TSTD2: variants seen among roughly 807,000 people sequenced by gnomAD.
The protein encoded by TSTD2 is thiosulfate sulfurtransferase/rhodanese-like domain-containing protein 2.
In TSTD2, 37 loss-of-function variants were observed where a neutral mutation model predicts 47.9. The observed-to-expected ratio is 0.77, with a 90% CI of 0.59 to 1.02. The LOEUF (loss-of-function observed/expected upper bound fraction) is 1.02, where lower values mean the gene tolerates loss of function less well. TSTD2 is among the 50% of genes least tolerant of loss of function. TSTD2 has a pLI of 0.00. For missense variants in TSTD2, 586 were observed against 616.0 expected (o/e 0.95, Z 0.52); for synonymous variants, 201 against 215.9 (o/e 0.93, Z 0.61).
At chr9:97,632,759 G>A (rs1395590016) in intron 1 of TSTD2, among the ~76,000 whole-genome samples, 1 of 152,176 alleles carries the variant, frequency 6.6e-6, no homozygotes, top group Non-Finnish European at 1.5e-5. Flanking sequence ...AGCAGGCAGG[G>A]TTTACAGATA....
At chr9:97,616,554 G>A (rs1403448577) in intron 4 of TSTD2, among the ~76,000 whole-genome samples, 2 of 152,166 alleles carry the variant, frequency 1.3e-5, no homozygotes, top group African/African-American at 4.8e-5. Context: ...AGAAGGGAAC[G>A]GAATTAAGGA....
chr9:97,625,832 TAGA>T lies in TSTD2; in HGVS notation c.328_330del (p.Ser110del). ...AATGTCACAGCCAGTTGCTTTAAAATAGAAGCTGTCTGGTGATAAATTTCATCA... is the reference window on the plus strand; with the variant it reads ...AATGTCACAGCCAGTTGCTTTAAAATAGCTGTCTGGTGATAAATTTCATCA... On this transcript the variant is annotated inframe_deletion, in exon 3 of 10. Coordinates refer to ENST00000341170, the MANE Select transcript of TSTD2 (RefSeq NM_139246.5). 1 of 1,614,174 alleles carries T rather than the reference TAGA, an allele frequency of 6.2e-7. No homozygotes were observed. The highest frequency in any genetic ancestry group is 8.5e-7 in the Non-Finnish European group (1 of 1,180,002).
intron 1 of TSTD2, among the ~76,000 whole-genome samples, chr9:97,630,920 C>A (rs776906427): frequency 1.3e-5 from 2 of 152,112 alleles, no homozygotes; most frequent in Non-Finnish European, 2.9e-5. Flanking sequence ...ATTCATATAC[C>A]CCACTGTGTG....
Position 97,600,423 on chromosome 9 carries a change from T to C in TSTD2, c.*2046A>G. 4.1e-6 allele frequency: 4 copies of C among 985,748 alleles called. No homozygotes were observed. Among genetic ancestry groups the C allele is most frequent in the Non-Finnish European group, 4.8e-6 (4 of 830,118 alleles). The allele number at this position is 985,748 out of a possible 1,614,324, so 61.1% of individuals were successfully genotyped here. ...AGTGTTCTTTAAGAACATTTGGGAT[T>C]TATGTACAATTTAATACTGGAGTTA... On this transcript the variant is annotated 3_prime_UTR_variant, in exon 10 of 10. Transcript: ENST00000341170.
At chr9:97,620,892 T>C (rs1826624359) in intron 3 of TSTD2, among the ~76,000 whole-genome samples, 1 of 152,204 alleles carries the variant, frequency 6.6e-6, no homozygotes, top group Non-Finnish European at 1.5e-5. Flanking sequence ...GACAATGCAA[T>C]AGAAAAGGAA....
At position 97,627,611 on chromosome 9, in the gene TSTD2, TC is replaced by T; in HGVS notation, c.-50del. On this transcript the variant is annotated splice_region_variant and 5_prime_UTR_variant, in exon 2 of 10. Transcript: ENST00000341170. The stretch of plus-strand genomic sequence containing the variant: ...CAGATATTCCTTTCAGTTAAATACC[TC>T]CTAGAATATAAATAAGAAAGAAGCA... The T allele has an allele frequency of 6.8e-7, 1 of 1,463,300 alleles. No homozygotes were observed. The highest frequency in any genetic ancestry group is 2.3e-5 in the Admixed American group (1 of 43,654). 90.6% of individuals were successfully genotyped at this position (1,463,300 alleles called of 1,614,324 possible). A position where few individuals can be genotyped will look rare whatever the true frequency, so the allele number is the denominator to read the frequency against.
chr9:97,612,840 G>A (rs897337217), intron 4 of TSTD2, among the ~76,000 whole-genome samples: 1 of 152,270 alleles, frequency 6.6e-6, no homozygotes, highest in Non-Finnish European at 1.5e-5. Context: ...ACAGGCACAA[G>A]CCACCGTGCC....
At chr9:97,615,979 A>C (rs7030070) in intron 4 of TSTD2, among the ~76,000 whole-genome samples, 1,677 of 152,328 alleles carry the variant, frequency 0.011, 21 homozygotes, top group African/African-American at 0.037. Flanking sequence ...TATTAAAATA[A>C]AAGTTACAAA....
rs1826273657 is a variant in TSTD2 at position 97,602,210 on chromosome 9, A to C, written c.*259T>G. On this transcript the variant is annotated 3_prime_UTR_variant, in exon 10 of 10. Coordinates refer to ENST00000341170, the MANE Select transcript of TSTD2 (RefSeq NM_139246.5). ...GCTGTGGCCACCAGGCTCAGGCTCT[A>C]TCCCTCAGCAGCTTTGGGATCCCAT... 4.3e-6 allele frequency: 2 copies of C among 465,040 alleles called. No individual in the cohort carries two copies. Among genetic ancestry groups the C allele is most frequent in the Non-Finnish European group, 7.6e-6 (2 of 264,576 alleles). The allele number at this position is 465,040 out of a possible 1,614,324, so 28.8% of individuals were successfully genotyped here. A position where few individuals can be genotyped will look rare whatever the true frequency, so the allele number is the denominator to read the frequency against.
chr9:97,613,861 CTG>C (rs1475459598), intron 4 of TSTD2, among the ~76,000 whole-genome samples: 2 of 145,626 alleles, frequency 1.4e-5, no homozygotes, highest in Admixed American at 6.9e-5. Context: ...CAGAGTCTCG[CTG>C]TGTCGCCCAG....
At chr9:97,631,275 C>T (rs988615854) in intron 1 of TSTD2, among the ~76,000 whole-genome samples, 13 of 151,964 alleles carry the variant, frequency 8.6e-5, no homozygotes, top group African/African-American at 3.1e-4. Flanking sequence ...CGCCACCACA[C>T]GCAGCTAATT....
rs1826279774 is a variant in TSTD2, at chr9:97,602,515, G to GGGCTCACA, written c.1497_1504dup (p.Pro502LeufsTer2). On this transcript the variant is annotated stop_gained and frameshift_variant, in exon 10 of 10. Coordinates refer to ENST00000341170, the MANE Select transcript of TSTD2 (RefSeq NM_139246.5). LOFTEE classifies it low-confidence loss of function (END_TRUNC). ...CTCATCAGCATCAGGCCCTGGCTCT[G>GGGCTCACA]GGCTCACAGGCTGTCGCACATGCTG... 1 of 1,613,890 alleles carries GGGCTCACA rather than the reference G, an allele frequency of 6.2e-7. No homozygotes were observed. The highest frequency in any genetic ancestry group is 1.7e-5 in the Admixed American group (1 of 60,008).
chr9:97,607,864 G>A (rs946105307), intron 6 of TSTD2, among the ~76,000 whole-genome samples: 1 of 151,964 alleles, frequency 6.6e-6, no homozygotes, highest in Non-Finnish European at 1.5e-5. Context: ...TCCAGCCTGG[G>A]CAACAGAGTG....
At chr9:97,617,711 G>A (rs1413690958) in intron 4 of TSTD2, 46 bp downstream of exon 4, 9 of 1,567,934 alleles carry the variant, frequency 5.7e-6, no homozygotes, top group South Asian at 1.2e-5. Context: ...AAGGTTGGCA[G>A]GCAAGATGGA....
In TSTD2 at chr9:97,601,068, G is replaced by A. The variant is rs983369293; in HGVS notation, c.*1401C>T. Reference sequence around the variant, plus strand: ...ACTGTAAGGCAGTGGGCAGTACAGGGTAACTGGAGGCGGGGCCAGGGCCTC... The same window carrying A: ...ACTGTAAGGCAGTGGGCAGTACAGGATAACTGGAGGCGGGGCCAGGGCCTC... On this transcript the variant is annotated 3_prime_UTR_variant, in exon 10 of 10. Transcript: ENST00000341170. The A allele has an allele frequency of 7.7e-7, 1 of 1,304,272 alleles. No homozygotes were observed. Among genetic ancestry groups the A allele is most frequent in the Non-Finnish European group, 1.0e-6 (1 of 988,948 alleles). 80.8% of individuals were successfully genotyped at this position (1,304,272 alleles called of 1,614,324 possible). A position where few individuals can be genotyped will look rare whatever the true frequency, so the allele number is the denominator to read the frequency against.
intron 4 of TSTD2, among the ~76,000 whole-genome samples, chr9:97,612,970 G>A (rs4743119): frequency 1.3e-5 from 2 of 152,266 alleles, no homozygotes; most frequent in African/African-American, 2.4e-5. Context: ...CATTTGCTAT[G>A]GAGCTACAAT....
In TSTD2 at chr9:97,601,346, GATGACCTCAGTAAGA is replaced by G; in HGVS notation, c.*1108_*1122del. ...CTGGGCAGCCACCATGGCAGTGCTG[GATGACCTCAGTAAGA>G]ATGTGTCATGTATTCCAGGTGCTGA... On this transcript the variant is annotated 3_prime_UTR_variant, in exon 10 of 10. Transcript: ENST00000341170. 2 of 1,139,296 alleles carry G rather than the reference GATGACCTCAGTAAGA, an allele frequency of 1.8e-6. No individual in the cohort carries two copies. Among genetic ancestry groups the G allele is most frequent in the Non-Finnish European group, 2.2e-6 (2 of 913,856 alleles). 70.6% of individuals were successfully genotyped at this position (1,139,296 alleles called of 1,614,324 possible).
chr9:97,626,079 T>C, intron 2 of TSTD2, 82 bp from the exon 3 acceptor site: 1 of 1,356,528 alleles, frequency 7.4e-7, no homozygotes, highest in Non-Finnish European at 9.9e-7. Context: ...ATTCTTTAGA[T>C]TATCTTTCCA....
intron 8 of TSTD2, among the ~76,000 whole-genome samples, chr9:97,605,116 C>G: frequency 6.6e-6 from 1 of 152,142 alleles, no homozygotes; most frequent in East Asian, 1.9e-4. Context: ...CCCTCTAGAT[C>G]CTGGGAAGCC....
Sources: gnomAD v4.1 joint callset for allele counts (sites outside exome capture counted in the v4.1 genomes callset) on GRCh38, gnomAD v4.1.1 for gene constraint, MANE v1.5 for transcripts, NCBI Gene and HGNC (gene_info 2026-07-23, HGNC 2026-07-21) for gene names.